The following NTRK1 variants were observed in gnomAD, a reference collection of about 807,000 sequenced individuals.
NTRK1 encodes the protein high affinity nerve growth factor receptor.
In NTRK1, 62 loss-of-function variants were observed where a neutral mutation model predicts 86.8. That is an observed-to-expected ratio of 0.71 (90% confidence interval 0.58 to 0.88). The LOEUF is 0.88. NTRK1 is among the 40% of genes least tolerant of loss of function. The probability of loss-of-function intolerance (pLI) is 0.00; values close to 1 mark genes in which losing one functional copy is unlikely to be tolerated. For synonymous variants in NTRK1, 469 were observed against 456.6 expected (o/e 1.03, Z -0.35); for missense variants, 967 against 1,078.4 (o/e 0.90, Z 1.45).
At chr1:156,845,075 C>T (rs1654941714) in intron 2 of NTRK1, 4 of 1,604,404 alleles carry the variant, frequency 2.5e-6, no homozygotes, top group Non-Finnish European at 3.4e-6. Context: ...GGATCACCTA[C>T]TGTGGGGCAT....
At chr1:156,875,378 C>G in intron 11 of NTRK1, 142 bp from the exon 12 acceptor site, 1 of 1,149,292 alleles carries the variant, frequency 8.7e-7, no homozygotes, top group East Asian at 2.3e-5. Flanking sequence ...GCCCCCTTCC[C>G]CCTGCCTGCT....
At chr1:156,876,247 T>C in intron 13 of NTRK1, 37 bp downstream of exon 13, 1 of 1,612,850 alleles carries the variant, frequency 6.2e-7, no homozygotes, top group South Asian at 1.1e-5. Flanking sequence ...CTGGCCTGGG[T>C]CCCACCCCCA....
chr1:156,820,346 A>G (rs974519492), intron 1 of NTRK1, among the ~76,000 whole-genome samples: 7 of 152,198 alleles, frequency 4.6e-5, no homozygotes, highest in Non-Finnish European at 8.8e-5. Context: ...TCCCGGGCTC[A>G]AGTGATCTTC....
chr1:156,874,654 G>T (rs1647783031), intron 10 of NTRK1, 28 bp downstream of exon 10: 1 of 1,606,370 alleles, frequency 6.2e-7, no homozygotes, highest in Non-Finnish European at 8.5e-7. Context: ...AGCTTGTGCA[G>T]ACTTTGGGAC....
At chr1:156,846,840 T>A in intron 2 of NTRK1, 1 of 1,127,198 alleles carries the variant, frequency 8.9e-7, no homozygotes, top group Non-Finnish European at 1.3e-6. Context: ...ACCCCAGGAC[T>A]GTCATTGTCC....
intron 2 of NTRK1, chr1:156,844,843 C>T: frequency 1.9e-6 from 3 of 1,613,894 alleles, no homozygotes; most frequent in Non-Finnish European, 8.5e-7. Flanking sequence ...ATCAGCCTCT[C>T]CTGCGGGAAG....
chr1:156,866,278 A>G (rs1655923292), intron 3 of NTRK1, among the ~76,000 whole-genome samples: 1 of 152,230 alleles, frequency 6.6e-6, no homozygotes, highest in Non-Finnish European at 1.5e-5. Context: ...CACAGGGCAC[A>G]GGGCACTGGG....
In NTRK1 at chr1:156,854,242, G is replaced by A. The variant is rs576708823; in HGVS notation, c.51-10112G>A. 1.4e-5 allele frequency: 22 copies of A among 1,613,830 alleles called. No individual in the cohort carries two copies. The highest frequency in any genetic ancestry group is 4.5e-5 in the East Asian group (2 of 44,890). On this transcript the variant is annotated intron_variant, in intron 2 of 16. Transcript: ENST00000392302. The surrounding 1 kb of genome is among the most constrained non-coding windows in gnomAD (Gnocchi z 4.2). ...GGATCTGCAGGTGGCCCTCCACCACGCTGCAGTTCTCCAGCTGACGAAGCT... is the reference window on the plus strand; with the variant it reads ...GGATCTGCAGGTGGCCCTCCACCACACTGCAGTTCTCCAGCTGACGAAGCT...
intron 3 of NTRK1, among the ~76,000 whole-genome samples, chr1:156,866,452 A>C (rs2102888925): frequency 6.6e-6 from 1 of 152,222 alleles, no homozygotes; most frequent in East Asian, 1.9e-4. Context: ...AGGGGAGCTG[A>C]GGAAGTGCGT....
rs530907238 is a variant in NTRK1 at position 156,838,356 on chromosome 1, TCTC to T, written c.-63-3723_-63-3721del. ...TCCCTTCTTTTATGCTCACCTGTCT[TCTC>T]CCAGCCAGCTACAGGCTTTTTTTTT... On this transcript the variant is annotated intron_variant, in intron 1 of 16. Coordinates refer to the NTRK1 transcript ENST00000392302. Among the ~76,000 whole-genome samples the T allele has an allele frequency of 6.0e-5, 9 of 149,590 alleles. No individual in the cohort carries two copies. In the East Asian group the frequency reaches 1.6e-3, roughly 26 times the overall value.
chr1:156,876,665 A>C, intron 14 of NTRK1, 93 bp downstream of exon 14: 7 of 1,425,612 alleles, frequency 4.9e-6, no homozygotes, highest in Non-Finnish European at 6.7e-6. Context: ...CTTTCAAACC[A>C]AGGGGAGACA....
Position 156,854,276 on chromosome 1 carries a change from T to A in NTRK1, c.51-10078T>A. 6.2e-7 allele frequency: 1 copy of A among 1,612,770 alleles called. No homozygotes were observed. Among genetic ancestry groups the A allele is most frequent in the Non-Finnish European group, 8.5e-7 (1 of 1,179,618 alleles). Reference sequence around the variant, plus strand: ...CTCCAGCTGACGAAGCTCTGCCACCTCTGAGCGAATATCCAGGCTGGGGCA... The same window carrying A: ...CTCCAGCTGACGAAGCTCTGCCACCACTGAGCGAATATCCAGGCTGGGGCA... On this transcript the variant is annotated intron_variant, in intron 2 of 16. Transcript: ENST00000392302. The surrounding 1 kb of genome is among the most constrained non-coding windows in gnomAD (Gnocchi z 4.2).
At chr1:156,844,839 C>T in intron 2 of NTRK1, 1 of 1,614,010 alleles carries the variant, frequency 6.2e-7, no homozygotes, top group Non-Finnish European at 8.5e-7. Context: ...TACCATCAGC[C>T]TCTCCTGCGG....
chr1:156,858,930 G>C (rs538917250), upstream of NTRK1: 1 of 375,738 alleles, frequency 2.7e-6, no homozygotes, highest in East Asian at 4.8e-5. Flanking sequence ...AATGACACAG[G>C]GTTCTGAGCA....
rs765450452 is a variant in NTRK1, at chr1:156,844,540, A to C, written c.50+2347A>C. ...AGTGAGGTTGCCCTAACCCTGGCAG[A>C]GTAGTTTCCAGGGGGCAGCAGGGCC... On this transcript the variant is annotated intron_variant, in intron 2 of 16. Coordinates refer to the NTRK1 transcript ENST00000392302. The C allele has an allele frequency of 1.2e-6, 2 of 1,614,190 alleles. No individual in the cohort carries two copies. The highest frequency in any genetic ancestry group is 1.7e-6 in the Non-Finnish European group (2 of 1,180,030).
At chr1:156,828,362 T>C (rs2102839476) in intron 1 of NTRK1, among the ~76,000 whole-genome samples, 1 of 152,230 alleles carries the variant, frequency 6.6e-6, no homozygotes, top group South Asian at 2.1e-4. Context: ...CCTGGTAAAA[T>C]GCTGGCATGC....
chr1:156,824,899 CT>C (rs1297622552), intron 1 of NTRK1, among the ~76,000 whole-genome samples: 1 of 152,016 alleles, frequency 6.6e-6, no homozygotes, highest in South Asian at 2.1e-4. Flanking sequence ...ACCTTCCTTT[CT>C]TTTTTTTGAG....
rs764541952 is a variant in NTRK1, at chr1:156,876,505, A to T, written c.1738A>T (p.Thr580Ser). 3.7e-6 allele frequency: 6 copies of T among 1,613,666 alleles called. No individual in the cohort carries two copies. Among genetic ancestry groups the T allele is most frequent in the Non-Finnish European group, 5.1e-6 (6 of 1,179,994 alleles). ...QHIVRFFGVC[T>S]EGRPLLMVFE... ...CATCGTGCGCTTCTTCGGCGTCTGC[A>T]CCGAGGGCCGCCCCCTGCTCATGGT... Residue 580 changes from threonine (T) to serine (S), a missense_variant, in exon 14 of 17, where the codon ACC (threonine) becomes TCC (serine). Coordinates refer to ENST00000524377, the MANE Select transcript of NTRK1 (RefSeq NM_002529.4).
chr1:156,874,194 G>A (rs1019114602), intron 8 of NTRK1, 189 bp from the exon 9 acceptor site: 8 of 977,460 alleles, frequency 8.2e-6, no homozygotes, highest in Middle Eastern at 2.1e-4. Context: ...CATGCAGCAG[G>A]GCATCCTGGC....
Sources: gnomAD v4.1 joint callset for allele counts (sites outside exome capture counted in the v4.1 genomes callset) on GRCh38, gnomAD v4.1.1 for gene constraint, Gnocchi (gnomAD v3.1) non-coding constraint, MANE v1.5 for transcripts, NCBI Gene and HGNC (gene_info 2026-07-23, HGNC 2026-07-21) for gene names.